The following PKD1 variants were observed in gnomAD, a reference collection of about 807,000 sequenced individuals.
The protein encoded by PKD1 is polycystin 1, transient receptor potential channel interacting.
Under a neutral mutation model 361.7 loss-of-function variants are expected in PKD1, and 81 were observed. The observed-to-expected ratio is 0.22, with a 90% CI of 0.19 to 0.27. The LOEUF is 0.27. Ranked by LOEUF, PKD1 falls within the 10% of genes least tolerant of loss-of-function variation. The pLI is 1.00. For synonymous variants in PKD1, 3,615 were observed against 2,818.3 expected (o/e 1.28, Z -8.95); for missense variants, 6,399 against 6,118.3 (o/e 1.05, Z -1.53).
Position 2,091,582 on chromosome 16 carries a change from G to A in PKD1, c.11553C>T (p.Phe3851=), listed in dbSNP as rs2091580548. 7.1e-6 allele frequency: 11 copies of A among 1,554,328 alleles called. No homozygotes were observed. Among genetic ancestry groups the A allele is most frequent in the Middle Eastern group, 1.9e-4 (1 of 5,248 alleles). ...NWLDNRSRAV[F]LELTRYSPAV... ...CCGGGCTGTAGCGCGTGAGCTCCAG[G>A]AACACAGCGCGGCTCCTGCGCAGAG... is the stretch of plus-strand genomic sequence containing the variant. The change falls in exon 42 of 46, where the codon TTC becomes TTT. Residue 3851 remains phenylalanine (F), a synonymous_variant. Coordinates refer to ENST00000262304, the MANE Select transcript of PKD1 (RefSeq NM_001009944.3).
chr16:2,126,619 G>A (rs1408765486), intron 1 of PKD1, among the ~76,000 whole-genome samples: 2 of 152,274 alleles, frequency 1.3e-5, no homozygotes, highest in African/African-American at 2.4e-5. Flanking sequence ...GCCCGCAGAC[G>A]TGCCCGGCCT....
chr16:2,103,615 C>T lies in PKD1; in HGVS notation c.8442G>A (p.Gly2814=). 6.2e-7 allele frequency: 1 copy of T among 1,610,494 alleles called. No homozygotes were observed. The highest frequency in any genetic ancestry group is 8.5e-7 in the Non-Finnish European group (1 of 1,179,738). ...CHFSIPEAFS[G]ALANLSDVVQ... ...CCACGTCACTGAGGTTGGCCAGGGCCCCGCTGAAAGCCTCGGGGATGGAGA... is the reference window on the plus strand; with the variant it reads ...CCACGTCACTGAGGTTGGCCAGGGCTCCGCTGAAAGCCTCGGGGATGGAGA... The change falls in exon 23 of 46, where the codon GGG becomes GGA. Residue 2814 remains glycine (G), a synonymous_variant. Transcript: ENST00000262304.
In PKD1 at chr16:2,106,738, C is replaced by A. The variant is rs1477820995; in HGVS notation, c.7210-61G>T. The A allele has an allele frequency of 2.0e-6, 3 of 1,511,026 alleles. No homozygotes were observed. Among genetic ancestry groups the A allele is most frequent in the Admixed American group, 3.6e-5 (2 of 56,334 alleles). The allele number at this position is 1,511,026 out of a possible 1,614,324, so 93.6% of individuals were successfully genotyped here. On this transcript the variant is annotated intron_variant, in intron 17 of 45. Coordinates refer to ENST00000262304, the MANE Select transcript of PKD1 (RefSeq NM_001009944.3). This position sits in a 1 kb window ranked among gnomAD's most constrained non-coding sequence, Gnocchi z 6.5. ...TCTGCCCTGTCAGCCCCACTTCTGC[C>A]TGCAGGCCCCGTCCCCTCGGCCATG...
In PKD1 at chr16:2,114,404, G is replaced by A; in HGVS notation, c.2619C>T (p.Val873=). 1 of 1,606,168 alleles carries A rather than the reference G, an allele frequency of 6.2e-7. No homozygotes were observed. Among genetic ancestry groups the A allele is most frequent in the Non-Finnish European group, 8.5e-7 (1 of 1,179,652 alleles). Residue 873 remains valine (V), a synonymous_variant, in exon 11 of 46, where the codon GTC becomes GTT. Coordinates refer to ENST00000262304, the MANE Select transcript of PKD1 (RefSeq NM_001009944.3). ...GGSVSARFEN[V]CPALVATFVP... is the part of the protein sequence containing the mutation. ...CGAAGGTGGCCACCAGGGCAGGGCA[G>A]ACATTCTCAAAGCGGGCGCTGACAC...
In PKD1 at chr16:2,100,526, G is replaced by C. The variant is rs2092051474; in HGVS notation, c.9438C>G (p.Asp3146Glu). 2.5e-6 allele frequency: 4 copies of C among 1,610,462 alleles called. No individual in the cohort carries two copies. Among genetic ancestry groups the C allele is most frequent in the Non-Finnish European group, 2.5e-6 (3 of 1,179,660 alleles). Reference protein sequence around the residue: ...AHVGIMLYGVDSRSGHRHLDG... With the variant: ...AHVGIMLYGVESRSGHRHLDG... The stretch of plus-strand genomic sequence containing the variant: ...CCAGGTGCCGGTGGCCGCTCCGGCT[G>C]TCCACCCCATACAGCATGATGCCCA... Residue 3146 changes from aspartate to glutamate, a missense_variant, in exon 27 of 46, where the codon GAC (aspartate) becomes GAG (glutamate). Asp to Glu is a conservative substitution (Grantham distance 45, BLOSUM62 2). Transcript: ENST00000262304. This position sits in a 1 kb window ranked among gnomAD's most constrained non-coding sequence, Gnocchi z 4.4.
chr16:2,108,082 T>C (rs1285428189), intron 15 of PKD1, 50 bp from the exon 16 acceptor site: 2 of 1,584,938 alleles, frequency 1.3e-6, no homozygotes, highest in East Asian at 2.3e-5. Context: ...CCATCCAGTT[T>C]TAAAGCAGAG....
chr16:2,088,875 GCGCGCGCA>G lies in PKD1; in HGVS notation c.*844_*851del, dbSNP rs940419176. On this transcript the variant is annotated 3_prime_UTR_variant, in exon 46 of 46. Transcript: ENST00000262304. ...GGCCATACAGCACACTCGCGCGTGC[GCGCGCGCA>G]CACACACACACACACAGTCACCTTC... is the stretch of plus-strand genomic sequence containing the variant. The G allele has an allele frequency of 3.9e-5, 19 of 487,806 alleles. No individual in the cohort carries two copies. In the African/African-American group the frequency reaches 3.9e-4, roughly 10 times the overall value. The allele number at this position is 487,806 out of a possible 1,614,324, so 30.2% of individuals were successfully genotyped here. A position where few individuals can be genotyped will look rare whatever the true frequency, so the allele number is the denominator to read the frequency against.
At position 2,091,499 on chromosome 16, in the gene PKD1, G is replaced by A; in HGVS notation, c.11636C>T (p.Ala3879Val). ...LRLEFPAAGR[A>V]LAALSVRPFA... Reference sequence around the variant, plus strand: ...GGGGCGGACGCTGAGGGCGGCCAGGGCGCGGCCGGCCGCCGGGAACTCGAG... The same window carrying A: ...GGGGCGGACGCTGAGGGCGGCCAGGACGCGGCCGGCCGCCGGGAACTCGAG... The change falls in exon 42 of 46, where the codon GCC (alanine) becomes GTC (valine). Residue 3879 changes from alanine (A) to valine (V), a missense_variant. Transcript: ENST00000262304. The A allele has an allele frequency of 4.2e-6, 6 of 1,421,468 alleles. No individual in the cohort carries two copies. Among genetic ancestry groups the A allele is most frequent in the Non-Finnish European group, 5.5e-6 (6 of 1,095,948 alleles). The allele number at this position is 1,421,468 out of a possible 1,614,324, so 88.1% of individuals were successfully genotyped here. A position where few individuals can be genotyped will look rare whatever the true frequency, so the allele number is the denominator to read the frequency against.
Position 2,109,725 on chromosome 16 carries a change from G to A in PKD1, c.5442C>T (p.Gly1814=), listed in dbSNP as rs145583387. 34 of 1,607,010 alleles carry A rather than the reference G, an allele frequency of 2.1e-5. 1 individual carries two copies. Among genetic ancestry groups the A allele is most frequent in the Middle Eastern group, 4.5e-4 (2 of 4,476 alleles). Residue 1814 remains glycine (G), a synonymous_variant, in exon 15 of 46, where the codon GGC becomes GGT. Transcript: ENST00000262304. Reference sequence around the variant, plus strand: ...CAGAGGACCCGGCCGCCACGAAGCTGCCTCCGGGCTCGCTGGCCCTGATGC... The same window carrying A: ...CAGAGGACCCGGCCGCCACGAAGCTACCTCCGGGCTCGCTGGCCCTGATGC... ...GLSIRASEPG[G]SFVAAGSSVP...
chr16:2,118,573 G>C lies in PKD1; in HGVS notation c.529+103C>G. ...TCCCATGCTGTTCCCTTGGCCCGGA[G>C]GCCCCCCCCAGAGAGGCCTTCCTGA... On this transcript the variant is annotated intron_variant, in intron 4 of 45. Coordinates refer to ENST00000262304, the MANE Select transcript of PKD1 (RefSeq NM_001009944.3). This position sits in a 1 kb window ranked among gnomAD's most constrained non-coding sequence, Gnocchi z 6.0. 2 of 934,466 alleles carry C rather than the reference G, an allele frequency of 2.1e-6. No homozygotes were observed. The highest frequency in any genetic ancestry group is 2.8e-5 in the South Asian group (2 of 71,760). 57.9% of individuals were successfully genotyped at this position (934,466 alleles called of 1,614,324 possible).
At position 2,088,951 on chromosome 16, in the gene PKD1, A is replaced by G. The variant is rs537187222; in HGVS notation, c.*776T>C. The G allele has an allele frequency of 2.3e-5, 8 of 344,172 alleles. No individual in the cohort carries two copies. The highest frequency in any genetic ancestry group is 9.0e-5 in the Admixed American group (2 of 22,168). 21.3% of individuals were successfully genotyped at this position (344,172 alleles called of 1,614,324 possible). ...GCCCCCAGGAGGAGTCTTTTCCTCT[A>G]ACCACCCTGGGGTCCTCTGACATGC... On this transcript the variant is annotated 3_prime_UTR_variant, in exon 46 of 46. Transcript: ENST00000262304.
intron 35 of PKD1, 24 bp from the exon 36 acceptor site, chr16:2,094,037 T>A: frequency 1.3e-6 from 2 of 1,592,432 alleles, no homozygotes; most frequent in Middle Eastern, 1.7e-4. Flanking sequence ...GACAGACCTG[T>A]GAGAGGCAGC....
intron 34 of PKD1, chr16:2,096,887 G>C (rs375901462): frequency 1.8e-6 from 1 of 553,700 alleles, no homozygotes; most frequent in Admixed American, 3.3e-5. Context: ...ACGTGGCCCC[G>C]GCCAGCCTCA....
rs369825780 is a variant in PKD1, at chr16:2,092,181, G to A, written c.11277C>T (p.Tyr3759=). ...GGACCCTGGGGCCGGGAGGGTCTGGGTAGAGTGCTGAAACACACAGAGCCC... is the reference window on the plus strand; with the variant it reads ...GGACCCTGGGGCCGGGAGGGTCTGGATAGAGTGCTGAAACACACAGAGCCC... ...LRQVRLQEAL[Y]PDPPGPRVHT... Residue 3759 remains tyrosine (Y), a synonymous_variant, in exon 40 of 46, where the codon TAC becomes TAT. Transcript: ENST00000262304. 45 of 1,602,146 alleles carry A rather than the reference G, an allele frequency of 2.8e-5. No individual in the cohort carries two copies. The highest frequency in any genetic ancestry group is 1.0e-4 in the Admixed American group (6 of 58,274).
intron 41 of PKD1, 56 bp downstream of exon 41, chr16:2,091,725 G>T: frequency 6.3e-7 from 1 of 1,597,028 alleles, no homozygotes; most frequent in Non-Finnish European, 8.5e-7. Flanking sequence ...AGTGAGGGTG[G>T]GCTCCTGGCT....
rs80360484 is a variant in PKD1, at chr16:2,090,908, C to T, written c.11979G>A (p.Ser3993=). 1 of 1,594,524 alleles carries T rather than the reference C, an allele frequency of 6.3e-7. No individual in the cohort carries two copies. The change falls in exon 43 of 46, where the codon TCG becomes TCA. Residue 3993 remains serine (S), a synonymous_variant. Coordinates refer to ENST00000262304, the MANE Select transcript of PKD1 (RefSeq NM_001009944.3). The part of the protein sequence containing the change: ...LSSAARGLAA[S]LLFLLLVKAA... ...CCTTGACCAAAAGCAGGAAGAGCAGCGAGGCCGCCAGGCCACGGGCTGCGG... is the reference window on the plus strand; with the variant it reads ...CCTTGACCAAAAGCAGGAAGAGCAGTGAGGCCGCCAGGCCACGGGCTGCGG...
rs892397726 is a variant in PKD1, at chr16:2,118,702, C to G, written c.503G>C (p.Gly168Ala). The G allele has an allele frequency of 3.2e-5, 48 of 1,479,642 alleles. No individual in the cohort carries two copies. The highest frequency in any genetic ancestry group is 4.2e-5 in the Non-Finnish European group (46 of 1,090,394). The allele number at this position is 1,479,642 out of a possible 1,614,324, so 91.7% of individuals were successfully genotyped here. ...ACAGCCACTGTCCAGCAAGGGGATG[C>G]CAAGCAGAGGCTGGCCAGCCAGGGA... is the stretch of plus-strand genomic sequence containing the variant. Reference protein sequence around the residue: ...PGSLAGQPLLGIPLLDSGCGE... With the variant: ...PGSLAGQPLLAIPLLDSGCGE... Residue 168 changes from glycine (G) to alanine (A), a missense_variant, in exon 4 of 46, where the codon GGC becomes GCC. Transcript: ENST00000262304. The surrounding 1 kb of genome is among the most constrained non-coding windows in gnomAD (Gnocchi z 6.0).
chr16:2,099,406 C>A, intron 30 of PKD1: 3 of 591,898 alleles, frequency 5.1e-6, no homozygotes, highest in Non-Finnish European at 9.3e-6. Flanking sequence ...GCTGTGCAGT[C>A]GTCCGTGGCG....
chr16:2,104,404 G>C, intron 22 of PKD1, 94 bp downstream of exon 22: 1 of 819,004 alleles, frequency 1.2e-6, no homozygotes, highest in South Asian at 1.5e-5. Flanking sequence ...ACGAAGATGG[G>C]ATGGGGCAAA....
Sources: gnomAD v4.1 joint callset for allele counts (sites outside exome capture counted in the v4.1 genomes callset) on GRCh38, gnomAD v4.1.1 for gene constraint, Gnocchi (gnomAD v3.1) non-coding constraint, MANE v1.5 for transcripts, NCBI Gene and HGNC (gene_info 2026-07-23, HGNC 2026-07-21) for gene names.